LIPI: variants seen among roughly 807,000 people sequenced by gnomAD.
LIPI encodes the protein lipase I, also known as lipase member I.
Under a neutral mutation model 50.6 loss-of-function variants are expected in LIPI, and 59 were observed. The observed-to-expected ratio is 1.16, with a 90% confidence interval of 0.94 to 1.45. The LOEUF (loss-of-function observed/expected upper bound fraction) is 1.45, where lower values mean the gene tolerates loss of function less well. Ranked by LOEUF, LIPI falls within the 40% of genes most tolerant of loss-of-function variation. LIPI has a pLI of 0.00. For synonymous variants in LIPI, 203 were observed against 178.2 expected, an observed-to-expected ratio of 1.14 and a Z score of -1.11; for missense variants, 586 against 536.3, an observed-to-expected ratio of 1.09 and a Z score of -0.92.
At chr21:14,140,321 T>C (rs949374751) in intron 9 of LIPI, among the ~76,000 whole-genome samples, 8 of 152,298 alleles carry the variant, frequency 5.3e-5, no homozygotes, top group African/African-American at 1.9e-4. Flanking sequence ...CCCAGGTTTC[T>C]TGGCTTAAAC....
chr21:14,193,912 GAAT>G lies in LIPI; in HGVS notation c.47-4496_47-4494del, dbSNP rs537132791. Reference sequence around the variant, plus strand: ...GATATGGATTAATTAATTAATATCAGAATATTATAATGAACTTCTATCACTCAA... The same window carrying G: ...GATATGGATTAATTAATTAATATCAGATTATAATGAACTTCTATCACTCAA... On this transcript the variant is annotated intron_variant, in intron 1 of 9. Transcript: ENST00000681601. 3.2e-3 allele frequency among the ~76,000 whole-genome samples: 493 copies of G among 152,104 alleles called. 3 individuals are homozygous for G. Among genetic ancestry groups the G allele is most frequent in the African/African-American group, 0.011 (473 of 41,498 alleles).
At chr21:14,152,068 TTATTTTA>T (rs1236810740) in intron 8 of LIPI, among the ~76,000 whole-genome samples, 2 of 144,970 alleles carry the variant, frequency 1.4e-5, no homozygotes, top group Non-Finnish European at 3.0e-5. Flanking sequence ...ACTCTTTAAC[TTATTTTA>T]TTTATTTATT....
intron 1 of LIPI, among the ~76,000 whole-genome samples, chr21:14,202,227 G>T (rs1389655402): frequency 6.6e-6 from 1 of 152,184 alleles, no homozygotes; most frequent in Non-Finnish European, 1.5e-5. Flanking sequence ...TGGGTAGGAA[G>T]AATCAATATC....
At chr21:14,159,837 T>C (rs1396052518) in intron 7 of LIPI, among the ~76,000 whole-genome samples, 1 of 151,408 alleles carries the variant, frequency 6.6e-6, no homozygotes, top group African/African-American at 2.4e-5. Context: ...CATTACTATA[T>C]ACCAACATTG....
At chr21:14,203,912 A>G (rs974005692) in intron 1 of LIPI, among the ~76,000 whole-genome samples, 2 of 152,116 alleles carry the variant, frequency 1.3e-5, no homozygotes, top group African/African-American at 2.4e-5. Context: ...AGCCTTAAAA[A>G]TGAATGAGAT....
intron 1 of LIPI, 136 bp downstream of exon 1, chr21:14,210,664 G>A (rs2020339022): frequency 4.4e-6 from 1 of 226,428 alleles, no homozygotes; most frequent in Admixed American, 5.8e-5. Flanking sequence ...TAATAGTAAT[G>A]TTTGTTATAA....
At chr21:14,179,063 G>T (rs1013544845) in intron 4 of LIPI, among the ~76,000 whole-genome samples, 1 of 152,074 alleles carries the variant, frequency 6.6e-6, no homozygotes, top group African/African-American at 2.4e-5. Flanking sequence ...AATAACAGAT[G>T]AGATGTTTTG....
intron 5 of LIPI, among the ~76,000 whole-genome samples, 162 bp downstream of exon 5, chr21:14,166,200 A>G (rs1364352412): frequency 7.9e-5 from 12 of 152,210 alleles, no homozygotes; most frequent in Admixed American, 7.9e-4. Flanking sequence ...TTATGAACTA[A>G]GCATGGTCAA....
chr21:14,114,177 CAAA>C (rs78186842), intron 9 of LIPI, among the ~76,000 whole-genome samples: 8 of 127,814 alleles, frequency 6.3e-5, no homozygotes, highest in Non-Finnish European at 6.6e-5. Context: ...GACTCTGTCT[CAAA>C]AAAAAAAAAA....
chr21:14,178,814 T>C (rs2019177629), intron 4 of LIPI, among the ~76,000 whole-genome samples: 1 of 152,192 alleles, frequency 6.6e-6, no homozygotes. Flanking sequence ...TTTTAATATG[T>C]TTTTGTAAAA....
At chr21:14,135,527 T>C (rs892912811) in intron 9 of LIPI, among the ~76,000 whole-genome samples, 3 of 152,076 alleles carry the variant, frequency 2.0e-5, no homozygotes, top group African/African-American at 7.2e-5. Flanking sequence ...TTGAGAGGCA[T>C]TGAATTCTGT....
rs187386217 is a variant in LIPI at position 14,146,140 on chromosome 21, C to A, written c.1119-1341G>T. On this transcript the variant is annotated intron_variant, in intron 8 of 9. Coordinates refer to ENST00000681601, the MANE Select transcript of LIPI (RefSeq NM_001302998.2). ...AACAGTTTGCTCATGACTACAAAAT[C>A]TCTACCTTCAGCTAAGGCCTGTATG... 3.9e-5 allele frequency among the ~76,000 whole-genome samples: 6 copies of A among 152,258 alleles called. No homozygotes were observed. In the East Asian group the frequency reaches 1.2e-3, roughly 29 times the overall value.
At chr21:14,178,359 C>T (rs2019161359) in intron 4 of LIPI, among the ~76,000 whole-genome samples, 1 of 152,022 alleles carries the variant, frequency 6.6e-6, no homozygotes, top group Admixed American at 6.6e-5. Flanking sequence ...TCCTATGCAT[C>T]TCTTAACTGT....
At chr21:14,190,077 G>C (rs2019619387) in intron 1 of LIPI, among the ~76,000 whole-genome samples, 1 of 151,864 alleles carries the variant, frequency 6.6e-6, no homozygotes, top group Non-Finnish European at 1.5e-5. Context: ...ATGTATAATG[G>C]GACAAAAATG....
At chr21:14,202,585 G>C (rs2020094667) in intron 1 of LIPI, among the ~76,000 whole-genome samples, 1 of 152,210 alleles carries the variant, frequency 6.6e-6, no homozygotes, top group Non-Finnish European at 1.5e-5. Context: ...AATGGGGAAA[G>C]GATTCCCTAT....
intron 1 of LIPI, among the ~76,000 whole-genome samples, chr21:14,191,568 TTAAA>T (rs1213211626): frequency 1.3e-5 from 2 of 152,016 alleles, no homozygotes; most frequent in Non-Finnish European, 2.9e-5. Flanking sequence ...ACAGGCAATT[TTAAA>T]TAAATAGAGA....
intron 4 of LIPI, among the ~76,000 whole-genome samples, chr21:14,167,468 T>A (rs2018732015): frequency 6.6e-6 from 1 of 152,058 alleles, no homozygotes; most frequent in South Asian, 2.1e-4. Flanking sequence ...CACCCCCCAG[T>A]AGGGGCAGAC....
intron 3 of LIPI, among the ~76,000 whole-genome samples, chr21:14,185,420 G>C (rs377328370): frequency 2.0e-5 from 3 of 152,282 alleles, no homozygotes; most frequent in East Asian, 3.9e-4. Context: ...GGGACTGCAG[G>C]AATAGATGTT....
intron 2 of LIPI, among the ~76,000 whole-genome samples, chr21:14,188,567 C>CAAAAAAAA (rs577516831): frequency 1.5e-5 from 1 of 65,962 alleles, no homozygotes. Context: ...GAACCTGTCT[C>CAAAAAAAA]AAAAAAAAAA....
Sources: gnomAD v4.1 joint callset for allele counts (sites outside exome capture counted in the v4.1 genomes callset) on GRCh38, gnomAD v4.1.1 for gene constraint, MANE v1.5 for transcripts, NCBI Gene and HGNC (gene_info 2026-07-23, HGNC 2026-07-21) for gene names.